The following BARD1 variants were observed in gnomAD, a reference collection of about 807,000 sequenced individuals.
BARD1 encodes the protein BRCA1-associated RING domain protein 1.
BARD1 carries 73 observed loss-of-function variants against 77.0 expected under a neutral mutation model. That is an observed-to-expected ratio of 0.95 (90% CI 0.79 to 1.15). The LOEUF (loss-of-function observed/expected upper bound fraction) is 1.15, where lower values mean the gene tolerates loss of function less well. Ranked by LOEUF, BARD1 falls within the 50% of genes most tolerant of loss-of-function variation. BARD1 has a pLI of 0.00. For synonymous variants in BARD1, 384 were observed against 338.0 expected (o/e 1.14, Z -1.49); for missense variants, 993 against 938.8 (o/e 1.06, Z -0.75).
At chr2:214,775,511 G>A (rs191571851) in intron 4 of BARD1, among the ~76,000 whole-genome samples, 41 of 152,202 alleles carry the variant, frequency 2.7e-4, no homozygotes, top group African/African-American at 7.2e-4. Context: ...ACAAATCACC[G>A]TAACAGATAC....
In BARD1 at chr2:214,809,648, C is replaced by T; in HGVS notation, c.-79G>A. On this transcript the variant is annotated 5_prime_UTR_variant, in exon 1 of 11. Coordinates refer to ENST00000260947, the MANE Select transcript of BARD1 (RefSeq NM_000465.4). ...GGGAAACCACAGGGAAGCTGCAGGC[C>T]AGCGACTCGAAACCGGCCAAGCTCT... 1.3e-6 allele frequency: 2 copies of T among 1,496,402 alleles called. No individual in the cohort carries two copies. The highest frequency in any genetic ancestry group is 1.8e-6 in the Non-Finnish European group (2 of 1,115,000). 92.7% of individuals were successfully genotyped at this position (1,496,402 alleles called of 1,614,324 possible). A position where few individuals can be genotyped will look rare whatever the true frequency, so the allele number is the denominator to read the frequency against.
At chr2:214,800,478 T>C (rs972303688) in intron 1 of BARD1, among the ~76,000 whole-genome samples, 1 of 152,142 alleles carries the variant, frequency 6.6e-6, no homozygotes, top group Non-Finnish European at 1.5e-5. Context: ...TTCAGGGCTA[T>C]AGTGTGCCAT....
intron 10 of BARD1, 52 bp from the exon 11 acceptor site, chr2:214,729,060 A>G (rs1333218518): frequency 3.3e-6 from 5 of 1,519,364 alleles, no homozygotes; most frequent in Admixed American, 1.7e-5. Flanking sequence ...ACTGTATTCA[A>G]AAACACTGTA....
chr2:214,780,849 C>T lies in BARD1; in HGVS notation c.1025G>A (p.Ser342Asn), dbSNP rs760950550. 1.2e-6 allele frequency: 2 copies of T among 1,614,000 alleles called. No homozygotes were observed. Among genetic ancestry groups the T allele is most frequent in the Non-Finnish European group, 8.5e-7 (1 of 1,180,004 alleles). The change falls in exon 4 of 11, where the codon AGC becomes AAC. Residue 342 changes from serine (S) to asparagine (N), a missense_variant. By Grantham distance (46) the Ser-to-Asn change is conservative. Coordinates refer to ENST00000260947, the MANE Select transcript of BARD1 (RefSeq NM_000465.4). ...ISKRCRTSIL[S>N]TSGDFVKQTV... The stretch of plus-strand genomic sequence containing the variant: ...TTGCTTAACAAAATCTCCACTGGTG[C>T]TCAGAATGCTGGTTCTACATCTCTT...
rs760541768 is a variant in BARD1, at chr2:214,745,130, C to A, written c.1840G>T (p.Val614Phe). 6.2e-7 allele frequency: 1 copy of A among 1,614,006 alleles called. No individual in the cohort carries two copies. Among genetic ancestry groups the A allele is most frequent in the South Asian group, 1.1e-5 (1 of 91,080 alleles). ...AGCATACACTTCAAGGTACTTTGAA[C>A]TGCATCACCAGGAACAACAACATGA... is the stretch of plus-strand genomic sequence containing the variant. Reference protein sequence around the residue: ...VTHVVVPGDAVQSTLKCMLGI... With the variant: ...VTHVVVPGDAFQSTLKCMLGI... The change falls in exon 9 of 11, where the codon GTT becomes TTT. Residue 614 changes from valine to phenylalanine, a missense_variant. Physicochemically the swap from Val to Phe is conservative, Grantham distance 50. Coordinates refer to ENST00000260947, the MANE Select transcript of BARD1 (RefSeq NM_000465.4).
intron 1 of BARD1, among the ~76,000 whole-genome samples, chr2:214,798,197 G>A (rs1360368981): frequency 6.6e-6 from 1 of 152,010 alleles, no homozygotes; most frequent in Non-Finnish European, 1.5e-5. Context: ...GTGAAATTGA[G>A]ATTTTCAGAA....
intron 3 of BARD1, among the ~76,000 whole-genome samples, chr2:214,783,353 A>C (rs1695127416): frequency 6.6e-6 from 1 of 152,194 alleles, no homozygotes; most frequent in South Asian, 2.1e-4. Flanking sequence ...AAAATGTGGC[A>C]CATATACACC....
chr2:214,743,184 T>C (rs1472221167), intron 9 of BARD1, among the ~76,000 whole-genome samples: 1 of 152,168 alleles, frequency 6.6e-6, no homozygotes, highest in Non-Finnish European at 1.5e-5. Flanking sequence ...AAAGAAGTGG[T>C]AGCTGTATTT....
At chr2:214,808,549 GC>G (rs1696387200) in intron 1 of BARD1, among the ~76,000 whole-genome samples, 1 of 152,166 alleles carries the variant, frequency 6.6e-6, no homozygotes, top group Non-Finnish European at 1.5e-5. Flanking sequence ...CAAAAAAACT[GC>G]CAGTGATCTT....
intron 9 of BARD1, among the ~76,000 whole-genome samples, chr2:214,731,868 T>C (rs1292660344): frequency 6.6e-6 from 1 of 152,220 alleles, no homozygotes. Context: ...TCTAGTGTTG[T>C]TAACATAAAG....
rs563588168 is a variant in BARD1 at position 214,740,618 on chromosome 2, T to C, written c.1903+4449A>G. On this transcript the variant is annotated intron_variant, in intron 9 of 10. Transcript: ENST00000260947. ...AATTCTATTTTTCATAATCTTTTAG[T>C]CTTAATATTTATCATATTAAAAATA... 2.4e-3 allele frequency among the ~76,000 whole-genome samples: 367 copies of C among 152,212 alleles called. 1 individual carries two copies. The highest frequency in any genetic ancestry group is 8.6e-3 in the African/African-American group (356 of 41,570).
chr2:214,769,263 T>C lies in BARD1; in HGVS notation c.1364A>G (p.Asn455Ser). The change falls in exon 5 of 11, where the codon AAT (asparagine) becomes AGT (serine). Residue 455 changes from asparagine (N) to serine (S), a missense_variant. Physicochemically the swap from Asn to Ser is conservative, Grantham distance 46. Coordinates refer to ENST00000260947, the MANE Select transcript of BARD1 (RefSeq NM_000465.4). ...TGTCCATCCAGCATGGTCTTTAACA[T>C]TTGGATCACTTCCATTTTGTAAAAG... The part of the protein sequence containing the change: ...EYLLQNGSDP[N>S]VKDHAGWTPL... 6.2e-7 allele frequency: 1 copy of C among 1,613,724 alleles called. No homozygotes were observed. The highest frequency in any genetic ancestry group is 1.1e-5 in the South Asian group (1 of 91,066).
intron 1 of BARD1, among the ~76,000 whole-genome samples, chr2:214,799,637 A>C (rs1458163516): frequency 1.3e-5 from 2 of 152,186 alleles, no homozygotes; most frequent in Admixed American, 1.3e-4. Flanking sequence ...CCAAAGCACT[A>C]GATATTCATA....
intron 6 of BARD1, among the ~76,000 whole-genome samples, chr2:214,753,536 T>C (rs987455934): frequency 3.3e-5 from 5 of 152,174 alleles, no homozygotes; most frequent in African/African-American, 1.2e-4. Flanking sequence ...ATAAACATGG[T>C]ATAATACTAA....
At chr2:214,798,843 G>A (rs1187882775) in intron 1 of BARD1, among the ~76,000 whole-genome samples, 1 of 151,864 alleles carries the variant, frequency 6.6e-6, no homozygotes, top group African/African-American at 2.4e-5. Flanking sequence ...TAGCAACCGG[G>A]TACTGAGGCT....
chr2:214,732,753 A>G (rs1304686561), intron 9 of BARD1, among the ~76,000 whole-genome samples: 5 of 152,166 alleles, frequency 3.3e-5, no homozygotes, highest in South Asian at 2.1e-4. Flanking sequence ...AAGAAATGCA[A>G]TGTTTTCCAA....
intron 1 of BARD1, among the ~76,000 whole-genome samples, chr2:214,806,891 A>AAAAAC (rs1559451269): frequency 6.6e-6 from 1 of 151,210 alleles, no homozygotes. Flanking sequence ...AAAAAAAAAA[A>AAAAAC]AGGCACCCCA....
At chr2:214,751,117 GTATATATATATATA>G (rs1216095030) in intron 7 of BARD1, among the ~76,000 whole-genome samples, 4 of 16,294 alleles carry the variant, frequency 2.5e-4, no homozygotes, top group African/African-American at 6.3e-4. Context: ...GTGTGTGTGT[GTATATATATATATA>G]TATATATATA....
chr2:214,766,555 T>C (rs1193438414), intron 6 of BARD1, among the ~76,000 whole-genome samples: 1 of 152,010 alleles, frequency 6.6e-6, no homozygotes, highest in Non-Finnish European at 1.5e-5. Context: ...AGAAAGTAAA[T>C]CTCCCCCAAA....
Sources: gnomAD v4.1 joint callset for allele counts (sites outside exome capture counted in the v4.1 genomes callset) on GRCh38, gnomAD v4.1.1 for gene constraint, MANE v1.5 for transcripts, NCBI Gene and HGNC (gene_info 2026-07-23, HGNC 2026-07-21) for gene names.